VPS35L: variants seen among roughly 807,000 people sequenced by gnomAD.
VPS35L encodes VPS35 endosomal protein sorting factor like, also known as VPS35 endosomal protein-sorting factor-like.
VPS35L carries 83 observed loss-of-function variants against 133.0 expected under a neutral mutation model. The observed-to-expected ratio is 0.62, with a 90% CI of 0.52 to 0.75. The LOEUF is 0.75. Among genes scored for constraint, VPS35L ranks in the 30% least tolerant of loss-of-function variants. The pLI is 0.00. For missense variants in VPS35L, 1,083 were observed against 1,206.8 expected (o/e 0.90, Z 1.52); for synonymous variants, 423 against 449.9 (o/e 0.94, Z 0.76).
intron 21 of VPS35L, 121 bp downstream of exon 21, chr16:19,640,221 C>G: frequency 1.2e-6 from 1 of 836,906 alleles, no homozygotes. Flanking sequence ...TACAGAAAAC[C>G]ACACTGGAAG....
intron 26 of VPS35L, among the ~76,000 whole-genome samples, chr16:19,663,706 G>C (rs533029451): frequency 3.1e-4 from 24 of 76,626 alleles, no homozygotes; most frequent in African/African-American, 1.6e-3. Flanking sequence ...TTACATTTTG[G>C]AACTTTAAGC....
chr16:19,647,009 GA>G (rs1406565855), intron 23 of VPS35L, among the ~76,000 whole-genome samples: 1 of 152,198 alleles, frequency 6.6e-6, no homozygotes, highest in Non-Finnish European at 1.5e-5. Flanking sequence ...AGATCACTTT[GA>G]AAATAACCTT....
At chr16:19,648,894 A>AAAAG (rs1567454310) in intron 24 of VPS35L, among the ~76,000 whole-genome samples, 1 of 144,774 alleles carries the variant, frequency 6.9e-6, no homozygotes, top group Non-Finnish European at 1.5e-5. Context: ...AAAAAAAAAA[A>AAAAG]AAGTTAGGTT....
Position 19,682,272 on chromosome 16 carries a change from C to T in VPS35L, c.2409C>T (p.Asn803=), listed in dbSNP as rs1197241101. Residue 803 remains asparagine (N), a synonymous_variant, in exon 28 of 31, where the codon AAC becomes AAT. Coordinates refer to ENST00000417362, the MANE Select transcript of VPS35L (RefSeq NM_020314.7). ...GVLFLVRELL[N]VIQDYTWEDN... is the part of the protein sequence containing the mutation. ...TGTTTCTTGTTCGAGAGCTTCTCAA[C>T]GTGATCCAGGACTACACCTGGGAGG... The T allele has an allele frequency of 4.3e-6, 7 of 1,613,948 alleles. No individual in the cohort carries two copies. Among genetic ancestry groups the T allele is most frequent in the East Asian group, 2.2e-5 (1 of 44,874 alleles).
intron 29 of VPS35L, among the ~76,000 whole-genome samples, chr16:19,695,199 A>C (rs553608114): frequency 6.6e-6 from 1 of 152,296 alleles, no homozygotes; most frequent in African/African-American, 2.4e-5. Flanking sequence ...AGCCACACCC[A>C]CAGAACACTT....
At position 19,700,395 on chromosome 16, in the gene VPS35L, C is replaced by T. The variant is rs61738005; in HGVS notation, c.2811C>T (p.Tyr937=). The T allele has an allele frequency of 0.035, 56,738 of 1,613,744 alleles. 1,337 individuals carry two copies. Among genetic ancestry groups the T allele is most frequent in the Non-Finnish European group, 0.041 (47,933 of 1,179,664 alleles). Residue 937 remains tyrosine, a synonymous_variant, in exon 31 of 31, where the codon TAC becomes TAT. Coordinates refer to ENST00000417362, the MANE Select transcript of VPS35L (RefSeq NM_020314.7). The part of the protein sequence containing the change: ...DTRTMVKTLE[Y]IKKQSKQPDM... The stretch of plus-strand genomic sequence containing the variant: ...CCTCATAGGTGAAAACGCTAGAATA[C>T]ATCAAGAAGCAAAGCAAACAACCAG...
chr16:19,556,891 G>A (rs1202602015), intron 1 of VPS35L, among the ~76,000 whole-genome samples: 2 of 150,868 alleles, frequency 1.3e-5, no homozygotes, highest in Non-Finnish European at 3.0e-5. Context: ...TTGGGAGGCC[G>A]AGGCTGGCGG....
At chr16:19,577,664 C>T (rs960151333) in intron 5 of VPS35L, among the ~76,000 whole-genome samples, 29 of 152,264 alleles carry the variant, frequency 1.9e-4, no homozygotes, top group Non-Finnish European at 4.4e-5. Context: ...ATGTTGAAAT[C>T]CTAACCCCAA....
chr16:19,605,267 A>G (rs1237929972), intron 9 of VPS35L, among the ~76,000 whole-genome samples: 1 of 152,224 alleles, frequency 6.6e-6, no homozygotes, highest in Non-Finnish European at 1.5e-5. Context: ...GCAGCACCAT[A>G]AAAGAAAAAT....
intron 21 of VPS35L, among the ~76,000 whole-genome samples, chr16:19,642,178 C>G (rs1216666166): frequency 2.6e-5 from 4 of 152,152 alleles, no homozygotes; most frequent in Non-Finnish European, 5.9e-5. Flanking sequence ...TCACTGCACT[C>G]CAGCCTGGGT....
At chr16:19,613,195 C>T (rs768110843) in intron 12 of VPS35L, among the ~76,000 whole-genome samples, 2 of 152,034 alleles carry the variant, frequency 1.3e-5, no homozygotes, top group Non-Finnish European at 2.9e-5. Context: ...CCCAGCTACT[C>T]GGAAGGCTGA....
At chr16:19,591,123 C>CT (rs1318608578) in intron 7 of VPS35L, among the ~76,000 whole-genome samples, 1 of 151,910 alleles carries the variant, frequency 6.6e-6, no homozygotes. Context: ...GCTTATGTTC[C>CT]TTTTGGGGGG....
intron 8 of VPS35L, among the ~76,000 whole-genome samples, chr16:19,599,645 C>T (rs568454011): frequency 2.6e-5 from 4 of 152,002 alleles, no homozygotes; most frequent in African/African-American, 7.3e-5. Flanking sequence ...GGACTACACG[C>T]GTGCACCACC....
chr16:19,591,899 A>G (rs947699285), intron 8 of VPS35L, 25 bp downstream of exon 8: 7 of 1,513,002 alleles, frequency 4.6e-6, no homozygotes, highest in Non-Finnish European at 4.6e-6. Flanking sequence ...TATGCATCTT[A>G]GATCTAGGAA....
At chr16:19,642,356 G>A (rs1320500807) in intron 21 of VPS35L, 40 bp from the exon 22 acceptor site, 1 of 1,566,644 alleles carries the variant, frequency 6.4e-7, no homozygotes. Context: ...AGTGCTGTCA[G>A]TGGACAAAAC....
intron 7 of VPS35L, among the ~76,000 whole-genome samples, chr16:19,583,940 C>T (rs1971786601): frequency 6.6e-6 from 1 of 152,150 alleles, no homozygotes; most frequent in Admixed American, 6.5e-5. Flanking sequence ...TTCATAGCTC[C>T]CACATATGAG....
At chr16:19,653,431 G>A (rs148022977) in intron 26 of VPS35L, among the ~76,000 whole-genome samples, 8 of 152,330 alleles carry the variant, frequency 5.3e-5, no homozygotes, top group Non-Finnish European at 7.4e-5. Context: ...ACATGGGGCC[G>A]GTGCTGTGGC....
At chr16:19,581,273 A>G (rs1375036921) in intron 6 of VPS35L, among the ~76,000 whole-genome samples, 3 of 152,132 alleles carry the variant, frequency 2.0e-5, no homozygotes, top group Admixed American at 1.3e-4. Flanking sequence ...CTTGGTGTCC[A>G]AGCTGGGAGG....
chr16:19,615,130 G>T (rs13331599), intron 12 of VPS35L, among the ~76,000 whole-genome samples: 2,256 of 152,126 alleles, frequency 0.015, 58 homozygotes, highest in African/African-American at 0.05. Flanking sequence ...CTTTGTGCTT[G>T]GTCTAATAAG....
Sources: allele counts gnomAD v4.1 joint callset (sites outside exome capture counted in the v4.1 genomes callset), GRCh38; gene constraint gnomAD v4.1.1; transcripts MANE v1.5; gene names NCBI Gene and HGNC (gene_info 2026-07-23, HGNC 2026-07-21).